The following HS6ST3 variants were observed in gnomAD, a reference collection of about 807,000 sequenced individuals.
HS6ST3 encodes heparan-sulfate 6-O-sulfotransferase 3.
In HS6ST3, 12 loss-of-function variants were observed where a neutral mutation model predicts 36.7. The ratio of observed to expected loss-of-function variants is 0.33; its 90% CI spans 0.21 to 0.53. The LOEUF (loss-of-function observed/expected upper bound fraction) is 0.53, where lower values mean the gene tolerates loss of function less well. Among genes scored for constraint, HS6ST3 ranks in the 20% least tolerant of loss-of-function variants. HS6ST3 has a pLI of 0.95. For synonymous variants in HS6ST3, 240 were observed against 257.5 expected, an observed-to-expected ratio of 0.93 and a Z score of 0.65; for missense variants, 584 against 640.9, an observed-to-expected ratio of 0.91 and a Z score of 0.96.
chr13:96,236,614 T>C (rs2054535967), intron 1 of HS6ST3, among the ~76,000 whole-genome samples: 1 of 152,190 alleles, frequency 6.6e-6, no homozygotes, highest in Non-Finnish European at 1.5e-5. Context: ...GCCATGAATC[T>C]GTCATTCACT....
intron 1 of HS6ST3, among the ~76,000 whole-genome samples, chr13:96,693,400 G>A (rs540832126): frequency 6.6e-6 from 1 of 152,140 alleles, no homozygotes; most frequent in Admixed American, 6.6e-5. Context: ...CACCTCCCGG[G>A]TTCAAGGAAT....
At chr13:96,271,766 T>G (rs2139388685) in intron 1 of HS6ST3, among the ~76,000 whole-genome samples, 1 of 152,114 alleles carries the variant, frequency 6.6e-6, no homozygotes, top group Admixed American at 6.5e-5. Flanking sequence ...AGAACTAGAC[T>G]TCTGCTATGA....
chr13:96,475,830 A>C (rs1289667857), intron 1 of HS6ST3, among the ~76,000 whole-genome samples: 1 of 152,102 alleles, frequency 6.6e-6, no homozygotes, highest in African/African-American at 2.4e-5. Context: ...CATATGCGAG[A>C]ATGAGGAATT....
chr13:96,636,818 C>T (rs377615115), intron 1 of HS6ST3, among the ~76,000 whole-genome samples: 3 of 152,116 alleles, frequency 2.0e-5, no homozygotes, highest in African/African-American at 7.2e-5. Context: ...TCAGTAGAAG[C>T]CAGTTATGAA....
At chr13:96,322,416 G>T (rs1029710223) in intron 1 of HS6ST3, among the ~76,000 whole-genome samples, 1 of 150,826 alleles carries the variant, frequency 6.6e-6, no homozygotes, top group Non-Finnish European at 1.5e-5. Flanking sequence ...CATTATCCAG[G>T]TGTGGTGGTT....
chr13:96,731,092 G>C (rs746092065), intron 1 of HS6ST3, among the ~76,000 whole-genome samples: 1 of 152,098 alleles, frequency 6.6e-6, no homozygotes, highest in Admixed American at 6.5e-5. Flanking sequence ...TTTGTGATGA[G>C]AACACTTAAC....
chr13:96,626,393 T>C (rs1325925982), intron 1 of HS6ST3, among the ~76,000 whole-genome samples: 2 of 152,206 alleles, frequency 1.3e-5, no homozygotes, highest in African/African-American at 4.8e-5. Flanking sequence ...TTCTCCACAG[T>C]TTTGCAACCA....
chr13:96,251,599 C>A (rs971796920), intron 1 of HS6ST3, among the ~76,000 whole-genome samples: 2 of 151,570 alleles, frequency 1.3e-5, no homozygotes, highest in African/African-American at 4.8e-5. Flanking sequence ...TGTCTTTTTC[C>A]TTCTAATGTT....
intron 1 of HS6ST3, among the ~76,000 whole-genome samples, chr13:96,330,460 A>G (rs1195254871): frequency 7.4e-5 from 11 of 148,358 alleles, no homozygotes; most frequent in Admixed American, 7.4e-4. Flanking sequence ...TTGGCTGGAT[A>G]TGAAATTCTG....
intron 1 of HS6ST3, among the ~76,000 whole-genome samples, chr13:96,407,894 G>A (rs1168816700): frequency 2.0e-5 from 3 of 152,116 alleles, no homozygotes; most frequent in Non-Finnish European, 1.5e-5. Context: ...GGAAGATTTG[G>A]TTACAACTCC....
intron 1 of HS6ST3, among the ~76,000 whole-genome samples, chr13:96,477,684 A>T (rs1028291955): frequency 6.6e-6 from 1 of 152,166 alleles, no homozygotes; most frequent in South Asian, 2.1e-4. Context: ...AGCCTGGCCA[A>T]CATGGTGAAA....
At chr13:96,535,557 C>CAA (rs5805976) in intron 1 of HS6ST3, among the ~76,000 whole-genome samples, 2,868 of 125,056 alleles carry the variant, frequency 0.023, 75 homozygotes, top group Admixed American at 0.075. Flanking sequence ...GACTCTGTTT[C>CAA]AAAAAAAAAA....
At chr13:96,426,761 A>C (rs995973829) in intron 1 of HS6ST3, among the ~76,000 whole-genome samples, 1 of 152,112 alleles carries the variant, frequency 6.6e-6, no homozygotes, top group Non-Finnish European at 1.5e-5. Flanking sequence ...CCTGTTCTCC[A>C]TGTGTCTTTT....
intron 1 of HS6ST3, among the ~76,000 whole-genome samples, chr13:96,383,483 A>G (rs1462201557): frequency 6.6e-6 from 1 of 152,134 alleles, no homozygotes; most frequent in Middle Eastern, 3.2e-3. Context: ...ACTCAAGACA[A>G]TCCAGACTCT....
chr13:96,520,836 A>G (rs969567673), intron 1 of HS6ST3, among the ~76,000 whole-genome samples: 11 of 152,062 alleles, frequency 7.2e-5, no homozygotes, highest in African/African-American at 2.7e-4. Context: ...AATATCCTTT[A>G]TTGCTTTCTC....
intron 1 of HS6ST3, among the ~76,000 whole-genome samples, chr13:96,260,549 G>A (rs533811176): frequency 1.3e-5 from 2 of 152,002 alleles, no homozygotes; most frequent in Admixed American, 6.6e-5. Flanking sequence ...TCCTGACCTC[G>A]TGATCCACCC....
chr13:96,464,986 GTGCA>G (rs1440075860), intron 1 of HS6ST3, among the ~76,000 whole-genome samples: 1 of 137,690 alleles, frequency 7.3e-6, no homozygotes, highest in Admixed American at 7.4e-5. Context: ...GTGTGTGTGT[GTGCA>G]TGCCCACACA....
intron 1 of HS6ST3, among the ~76,000 whole-genome samples, chr13:96,604,858 G>T (rs1229127887): frequency 6.6e-6 from 1 of 152,072 alleles, no homozygotes; most frequent in South Asian, 2.1e-4. Flanking sequence ...ACCATTTAAG[G>T]TTCACGTGTC....
rs919515749 is a variant in HS6ST3 at position 96,748,258 on chromosome 13, C to T, written c.708-84232C>T. Among the ~76,000 whole-genome samples the T allele has an allele frequency of 5.3e-5, 8 of 152,062 alleles. No homozygotes were observed. The East Asian group carries it at 1.6e-3, about 30-fold the overall frequency. On this transcript the variant is annotated intron_variant, in intron 1 of 1. Transcript: ENST00000376705. ...CTGTACCTCTGCTTGGATCCTGTGC[C>T]CTCCCCTGGACCAATCACTGGTTGG... is the stretch of plus-strand genomic sequence containing the variant.
Sources: gnomAD v4.1 joint callset for allele counts (sites outside exome capture counted in the v4.1 genomes callset) on GRCh38, gnomAD v4.1.1 for gene constraint, MANE v1.5 for transcripts, NCBI Gene and HGNC (gene_info 2026-07-23, HGNC 2026-07-21) for gene names.